The following PHACTR3 variants were observed in gnomAD, a reference collection of about 807,000 sequenced individuals.
PHACTR3 encodes the protein phosphatase and actin regulator 3.
PHACTR3 carries 16 observed loss-of-function variants against 66.8 expected under a neutral mutation model. The observed-to-expected ratio is 0.24, with a 90% CI of 0.16 to 0.36. PHACTR3 has a LOEUF of 0.36. Ranked by LOEUF, PHACTR3 falls within the 10% of genes least tolerant of loss-of-function variation. PHACTR3 has a pLI of 1.00. For missense variants in PHACTR3, 647 were observed against 719.9 expected (o/e 0.90, Z 1.16); for synonymous variants, 323 against 292.1 (o/e 1.11, Z -1.08).
intron 8 of PHACTR3, 80 bp downstream of exon 8, chr20:59,806,274 G>T (rs917931242): frequency 1.3e-6 from 2 of 1,540,714 alleles, no homozygotes; most frequent in African/African-American, 1.4e-5. Context: ...CACATCCTGG[G>T]TGTGCCAGGC....
At position 59,820,149 on chromosome 20, in the gene PHACTR3, C is replaced by G. The variant is rs1321637288; in HGVS notation, c.1328+13955C>G. On this transcript the variant is annotated intron_variant, in intron 8 of 12. Transcript: ENST00000371015. This position sits in a 1 kb window ranked among gnomAD's most constrained non-coding sequence, Gnocchi z 4.6. Reference sequence around the variant, plus strand: ...TGGCGTGGCACCACCTCCTGCTTCACCACTGTGGTGAGGGGTCTGCCTGTG... The same window carrying G: ...TGGCGTGGCACCACCTCCTGCTTCAGCACTGTGGTGAGGGGTCTGCCTGTG... Among the ~76,000 whole-genome samples, 1 of 152,192 alleles carries G rather than the reference C, an allele frequency of 6.6e-6. No homozygotes were observed.
At chr20:59,683,566 C>A (rs746087103) in intron 1 of PHACTR3, among the ~76,000 whole-genome samples, 41 of 151,484 alleles carry the variant, frequency 2.7e-4, no homozygotes, top group Non-Finnish European at 5.2e-4. Flanking sequence ...ATATTGCTTG[C>A]CTTTGATAAA....
chr20:59,834,291 T>C lies in PHACTR3; in HGVS notation c.1329-2214T>C, dbSNP rs554191135. ...CTTCCGAGCCCTTCTGTGGGCAGCA[T>C]GGGGGCCAGGAATCTGGCTTGTTCC... On this transcript the variant is annotated intron_variant, in intron 8 of 12. Coordinates refer to ENST00000371015, the MANE Select transcript of PHACTR3 (RefSeq NM_080672.5). Among the ~76,000 whole-genome samples, 5 of 152,290 alleles carry C rather than the reference T, an allele frequency of 3.3e-5. No individual in the cohort carries two copies. The South Asian group carries it at 6.2e-4, about 19-fold the overall frequency.
intron 1 of PHACTR3, among the ~76,000 whole-genome samples, chr20:59,648,693 C>A (rs1477252420): frequency 6.6e-6 from 1 of 152,208 alleles, no homozygotes; most frequent in African/African-American, 2.4e-5. Context: ...CTTTCCTCTG[C>A]TCAGCAACAT....
intron 1 of PHACTR3, among the ~76,000 whole-genome samples, chr20:59,673,048 G>A (rs956567635): frequency 1.2e-4 from 18 of 152,182 alleles, no homozygotes; most frequent in Admixed American, 8.5e-4. Context: ...GCAATCTGAG[G>A]GCAGGAGGGT....
At chr20:59,814,501 A>G (rs2041832523) in intron 8 of PHACTR3, among the ~76,000 whole-genome samples, 1 of 152,152 alleles carries the variant, frequency 6.6e-6, no homozygotes, top group South Asian at 2.1e-4. Context: ...TGCAGGTGAG[A>G]CTGCCCAAGG....
intron 1 of PHACTR3, among the ~76,000 whole-genome samples, chr20:59,579,846 G>A (rs1357151783): frequency 6.6e-6 from 1 of 152,142 alleles, no homozygotes; most frequent in Admixed American, 6.5e-5. Flanking sequence ...TGGGGTCTGA[G>A]CACTGGGTGG....
Position 59,604,778 on chromosome 20 carries a change from C to T in PHACTR3, c.-237C>T. On this transcript the variant is annotated 5_prime_UTR_variant, in exon 1 of 13. Transcript: ENST00000371015. ...ACGAATAAATAACAAAGCGAGGCCG[C>T]GCACGCCGGGATGCGCCTGGCTGCA... 8.4e-7 allele frequency: 1 copy of T among 1,193,026 alleles called. No homozygotes were observed. The highest frequency in any genetic ancestry group is 1.0e-6 in the Non-Finnish European group (1 of 965,868). The allele number at this position is 1,193,026 out of a possible 1,614,324, so 73.9% of individuals were successfully genotyped here. A position where few individuals can be genotyped will look rare whatever the true frequency, so the allele number is the denominator to read the frequency against.
intron 7 of PHACTR3, 124 bp downstream of exon 7, chr20:59,774,614 C>G (rs780928072): frequency 8.6e-5 from 112 of 1,307,106 alleles, no homozygotes; most frequent in Non-Finnish European, 1.1e-4. Context: ...TGGGGAGAAA[C>G]AAGAGGGGGG....
intron 1 of PHACTR3, among the ~76,000 whole-genome samples, chr20:59,694,541 A>G (rs112634068): frequency 2.9e-4 from 44 of 152,084 alleles, no homozygotes; most frequent in African/African-American, 9.4e-4. Flanking sequence ...GGAAAGAAAG[A>G]CACTGGAGGT....
intron 1 of PHACTR3, among the ~76,000 whole-genome samples, chr20:59,589,117 C>G (rs545621207): frequency 1.1e-3 from 174 of 152,324 alleles, no homozygotes; most frequent in African/African-American, 4.0e-3. Context: ...CAAACTGCAG[C>G]CTGAAGTACC....
intron 1 of PHACTR3, among the ~76,000 whole-genome samples, chr20:59,681,297 T>C (rs11699705): frequency 0.027 from 4,133 of 152,282 alleles, 76 homozygotes; most frequent in Middle Eastern, 0.065. Context: ...TACATACTCA[T>C]ACTAAGGACA....
intron 1 of PHACTR3, among the ~76,000 whole-genome samples, chr20:59,584,094 T>A (rs2032944623): frequency 6.6e-6 from 1 of 152,314 alleles, no homozygotes; most frequent in South Asian, 2.1e-4. Context: ...GGCAAGAAGG[T>A]GTCGTACTGG....
chr20:59,823,376 G>A (rs572776072), intron 8 of PHACTR3, among the ~76,000 whole-genome samples: 175 of 152,174 alleles, frequency 1.1e-3, no homozygotes, highest in Non-Finnish European at 2.1e-3. Flanking sequence ...TCCTTCGCTC[G>A]GCATCAGTCT....
chr20:59,705,791 GC>G (rs1048730919), intron 1 of PHACTR3, among the ~76,000 whole-genome samples: 2 of 152,206 alleles, frequency 1.3e-5, no homozygotes, highest in Non-Finnish European at 2.9e-5. Context: ...CAGGCTGTGA[GC>G]CCAAGAATGA....
intron 8 of PHACTR3, among the ~76,000 whole-genome samples, chr20:59,813,299 T>A (rs550412917): frequency 2.6e-5 from 4 of 152,338 alleles, no homozygotes; most frequent in Admixed American, 6.5e-5. Context: ...CGGTTTCTCT[T>A]GTCACAGTTA....
chr20:59,644,476 T>C lies in PHACTR3; in HGVS notation c.118+39344T>C, dbSNP rs182767370. On this transcript the variant is annotated intron_variant, in intron 1 of 12. Transcript: ENST00000371015. ...TCATTCGCCTCCCCCACCACTGAAT[T>C]GTAGACTCCAACAGGGGGCGGGAGC... 1.4e-3 allele frequency among the ~76,000 whole-genome samples: 216 copies of C among 152,294 alleles called. 1 individual carries two copies. Among genetic ancestry groups the C allele is most frequent in the African/African-American group, 4.9e-3 (203 of 41,556 alleles).
intron 1 of PHACTR3, among the ~76,000 whole-genome samples, chr20:59,633,709 G>A (rs2034750638): frequency 6.6e-6 from 1 of 152,118 alleles, no homozygotes; most frequent in South Asian, 2.1e-4. Context: ...GTTGTGGAGG[G>A]CTCTGTAAGT....
At chr20:59,644,433 C>T (rs1471938124) in intron 1 of PHACTR3, among the ~76,000 whole-genome samples, 1 of 152,190 alleles carries the variant, frequency 6.6e-6, no homozygotes, top group African/African-American at 2.4e-5. Context: ...CTTCGGGTTC[C>T]CTGGTCCTTG....
Sources: allele counts gnomAD v4.1 joint callset (sites outside exome capture counted in the v4.1 genomes callset), GRCh38; gene constraint gnomAD v4.1.1; non-coding constraint Gnocchi (gnomAD v3.1); transcripts MANE v1.5; gene names NCBI Gene and HGNC (gene_info 2026-07-23, HGNC 2026-07-21).